Variants in RMDN2 observed in about 807,000 individuals in gnomAD.
The protein encoded by RMDN2 is regulator of microtubule dynamics 2.
In RMDN2, 61 loss-of-function variants were observed where a neutral mutation model predicts 52.8. The observed-to-expected ratio is 1.16, with a 90% CI of 0.94 to 1.43. The LOEUF (loss-of-function observed/expected upper bound fraction) is 1.43, where lower values mean the gene tolerates loss of function less well. Among genes scored for constraint, RMDN2 ranks in the 40% most tolerant of loss-of-function variants. The pLI, the probability that RMDN2 is intolerant of heterozygous loss-of-function variation, is 0.00. For missense variants in RMDN2, 592 were observed against 475.3 expected (o/e 1.25, Z -2.28); for synonymous variants, 180 against 153.1 (o/e 1.18, Z -1.30).
intron 5 of RMDN2, among the ~76,000 whole-genome samples, chr2:37,987,663 G>A (rs1394483750): frequency 1.3e-5 from 2 of 152,292 alleles, no homozygotes; most frequent in Non-Finnish European, 2.9e-5. Context: ...TAAACACCAA[G>A]TACAAACCAT....
At chr2:38,044,699 A>T (rs1348559392) in intron 10 of RMDN2, among the ~76,000 whole-genome samples, 1 of 151,980 alleles carries the variant, frequency 6.6e-6, no homozygotes, top group Non-Finnish European at 1.5e-5. Context: ...AAAGAATTCT[A>T]TATTTTTGTT....
At chr2:37,998,292 C>G (rs185597769) in intron 8 of RMDN2, 1 of 152,276 alleles carries the variant, frequency 6.6e-6, no homozygotes, top group African/African-American at 2.4e-5. Flanking sequence ...TTTGGAAGGC[C>G]GAGGTAGGAG....
At chr2:38,057,682 G>T (rs1168369689) in intron 10 of RMDN2, among the ~76,000 whole-genome samples, 2 of 152,160 alleles carry the variant, frequency 1.3e-5, no homozygotes, top group Non-Finnish European at 2.9e-5. Context: ...GGAGGTGATT[G>T]GATCAATGGG....
intron 10 of RMDN2, among the ~76,000 whole-genome samples, chr2:38,014,231 G>A (rs190488981): frequency 6.6e-6 from 1 of 152,206 alleles, no homozygotes; most frequent in East Asian, 1.9e-4. Flanking sequence ...AATTAATAAG[G>A]CTATTACAGT....
downstream of RMDN2, among the ~76,000 whole-genome samples, chr2:38,022,678 C>T (rs966470673): frequency 4.6e-5 from 7 of 152,192 alleles, no homozygotes; most frequent in African/African-American, 1.4e-4. Context: ...GCGATGTTAT[C>T]TTTCTTACTA....
rs912860413 is a variant in RMDN2 at position 38,050,821 on chromosome 2, C to T, written c.1714-16161C>T. On this transcript the variant is annotated intron_variant, in intron 10 of 10. Transcript: ENST00000234195. Reference sequence around the variant, plus strand: ...TCGCACAGGCTGGAGTGCGGTGGCACGATCTCAGCTCACTGCAGCCTCCGC... The same window carrying T: ...TCGCACAGGCTGGAGTGCGGTGGCATGATCTCAGCTCACTGCAGCCTCCGC... Among the ~76,000 whole-genome samples, 42 of 152,194 alleles carry T rather than the reference C, an allele frequency of 2.8e-4. 1 individual carries two copies. The highest frequency in any genetic ancestry group is 1.5e-4 in the Non-Finnish European group (10 of 68,028).
intron 2 of RMDN2, among the ~76,000 whole-genome samples, chr2:37,968,451 AAAAAAAAAAAG>A (rs1318370593): frequency 2.0e-5 from 3 of 151,800 alleles, no homozygotes; most frequent in African/African-American, 7.3e-5. Flanking sequence ...AAAAAAAAAA[AAAAAAAAAAAG>A]AAAGTCTGTT....
chr2:37,933,169 C>A (rs544801764), intron 2 of RMDN2, among the ~76,000 whole-genome samples: 3 of 150,582 alleles, frequency 2.0e-5, no homozygotes, highest in African/African-American at 4.9e-5. Context: ...ACATCTCAGA[C>A]GATGGGCGGC....
chr2:37,946,011 C>G (rs1668187765), intron 2 of RMDN2, among the ~76,000 whole-genome samples: 1 of 152,128 alleles, frequency 6.6e-6, no homozygotes, highest in South Asian at 2.1e-4. Context: ...ATTTGAATAC[C>G]TTTTTAAGCC....
chr2:38,060,996 G>C (rs1169638901), intron 10 of RMDN2, among the ~76,000 whole-genome samples: 1 of 152,138 alleles, frequency 6.6e-6, no homozygotes, highest in Non-Finnish European at 1.5e-5. Flanking sequence ...GTTCCATTAA[G>C]TGCTTAAAAG....
intron 2 of RMDN2, among the ~76,000 whole-genome samples, chr2:37,968,079 C>T (rs552995435): frequency 1.4e-4 from 22 of 152,242 alleles, no homozygotes; most frequent in African/African-American, 5.3e-4. Context: ...AATTTCAGGA[C>T]ATGTTGTATG....
At chr2:38,019,674 A>T (rs1371205311), downstream of RMDN2, among the ~76,000 whole-genome samples, 4 of 152,172 alleles carry the variant, frequency 2.6e-5, no homozygotes, top group Non-Finnish European at 5.9e-5. Flanking sequence ...AAGCCATTTA[A>T]TCAGAGAAAT....
chr2:37,957,168 A>G (rs562005729), intron 2 of RMDN2, among the ~76,000 whole-genome samples: 3 of 152,342 alleles, frequency 2.0e-5, no homozygotes, highest in South Asian at 4.1e-4. Flanking sequence ...TTGGGTATAT[A>G]TCCCGTTAAT....
chr2:38,018,110 T>C (rs1679047566), downstream of RMDN2, among the ~76,000 whole-genome samples: 1 of 152,210 alleles, frequency 6.6e-6, no homozygotes, highest in Non-Finnish European at 1.5e-5. Flanking sequence ...ACTTCTTTTG[T>C]GATTCTTCAC....
chr2:38,006,551 T>G (rs923241756), intron 10 of RMDN2, among the ~76,000 whole-genome samples: 29 of 152,212 alleles, frequency 1.9e-4, no homozygotes, highest in Non-Finnish European at 3.1e-4. Context: ...TGCACATTGA[T>G]TTTGTATCCT....
chr2:37,993,473 G>A (rs1375303911), intron 7 of RMDN2, among the ~76,000 whole-genome samples: 6 of 151,602 alleles, frequency 4.0e-5, no homozygotes, highest in African/African-American at 4.9e-5. Context: ...TTAGTCTGAA[G>A]TGTGTATGTC....
rs913928445 is a variant in RMDN2, at chr2:38,061,467, C to CT, written c.1714-5505dup. Reference sequence around the variant, plus strand: ...AATCAATTTAATGAATTGCAACCCTCTTTTTTTTTTAAGGTAATTATACTA... The same window carrying CT: ...AATCAATTTAATGAATTGCAACCCTCTTTTTTTTTTTAAGGTAATTATACTA... On this transcript the variant is annotated intron_variant, in intron 10 of 10. Transcript: ENST00000234195. Among the ~76,000 whole-genome samples, 25 of 148,592 alleles carry CT rather than the reference C, an allele frequency of 1.7e-4. No individual in the cohort carries two copies. The South Asian group carries it at 2.1e-3, about 13-fold the overall frequency.
chr2:37,924,433 T>A (rs1666125306), upstream of RMDN2, among the ~76,000 whole-genome samples: 1 of 152,228 alleles, frequency 6.6e-6, no homozygotes, highest in Non-Finnish European at 1.5e-5. Flanking sequence ...TGGCGCGATC[T>A]CGCCTCACTG....
chr2:37,945,446 A>G (rs1668143480), intron 2 of RMDN2, among the ~76,000 whole-genome samples: 1 of 152,194 alleles, frequency 6.6e-6, no homozygotes, highest in Non-Finnish European at 1.5e-5. Context: ...TGCCTTCTTC[A>G]AAACTTGAAG....
Sources: gnomAD v4.1 joint callset for allele counts (sites outside exome capture counted in the v4.1 genomes callset) on GRCh38, gnomAD v4.1.1 for gene constraint, MANE v1.5 for transcripts, NCBI Gene and HGNC (gene_info 2026-07-23, HGNC 2026-07-21) for gene names.